Variants in SHLD1 observed in about 807,000 individuals in gnomAD.
SHLD1 encodes the protein RINN1-REV7-interacting novel NHEJ regulator 3.
In SHLD1, 3 loss-of-function variants were observed where a neutral mutation model predicts 5.5. The ratio of observed to expected loss-of-function variants is 0.54; its 90% confidence interval spans 0.25 to 1.40. SHLD1 has a LOEUF of 1.40. Among genes scored for constraint, SHLD1 ranks in the 40% most tolerant of loss-of-function variants. The probability of loss-of-function intolerance (pLI) is 0.15; values close to 1 mark genes in which losing one functional copy is unlikely to be tolerated. For synonymous variants in SHLD1, 92 were observed against 94.3 expected, an observed-to-expected ratio of 0.98 and a Z score of 0.14; for missense variants, 210 against 244.4, an observed-to-expected ratio of 0.86 and a Z score of 0.94.
At chr20:5,826,859 G>GT (rs1185311612) in intron 2 of SHLD1, among the ~76,000 whole-genome samples, 1 of 152,108 alleles carries the variant, frequency 6.6e-6, no homozygotes, top group Non-Finnish European at 1.5e-5. Flanking sequence ...TAGGTTTCAC[G>GT]TAAGTGCTGT....
chr20:5,851,754 G>A (rs1161454183), intron 2 of SHLD1, among the ~76,000 whole-genome samples: 1 of 151,818 alleles, frequency 6.6e-6, no homozygotes, highest in African/African-American at 2.4e-5. Context: ...TTGGATGTCT[G>A]TCCCGTCTAA....
chr20:5,843,362 T>TC (rs1411498999), intron 2 of SHLD1, among the ~76,000 whole-genome samples: 1 of 151,430 alleles, frequency 6.6e-6, no homozygotes, highest in East Asian at 1.9e-4. Context: ...CTTTTTTTTC[T>TC]CTCTCTCTCT....
chr20:5,760,549 C>T (rs632622), intron 1 of SHLD1, among the ~76,000 whole-genome samples: 43,132 of 151,654 alleles, frequency 0.28, 6,674 homozygotes, highest in East Asian at 0.62. Flanking sequence ...AAAAATTAGT[C>T]GGGCATGGTG....
At chr20:5,778,186 G>T (rs1298540421) in intron 2 of SHLD1, among the ~76,000 whole-genome samples, 2 of 144,496 alleles carry the variant, frequency 1.4e-5, no homozygotes, top group Non-Finnish European at 1.5e-5. Flanking sequence ...GCGCGATCTC[G>T]GCTCACTGCA....
At chr20:5,778,357 G>C (rs1985535890) in intron 2 of SHLD1, among the ~76,000 whole-genome samples, 1 of 148,220 alleles carries the variant, frequency 6.7e-6, no homozygotes, top group Admixed American at 6.8e-5. Context: ...TCGATCTCCT[G>C]ACCTTGTGAT....
chr20:5,837,106 A>T (rs1223991622), intron 2 of SHLD1, among the ~76,000 whole-genome samples: 1 of 152,176 alleles, frequency 6.6e-6, no homozygotes, highest in Non-Finnish European at 1.5e-5. Context: ...ATAGGACAGA[A>T]GATTCTCCGG....
intron 2 of SHLD1, among the ~76,000 whole-genome samples, chr20:5,817,432 C>CTCTCTCTCTCTGTGTGTGTG (rs1473391202): frequency 1.6e-4 from 14 of 85,660 alleles, no homozygotes; most frequent in African/African-American, 7.8e-4. Context: ...CTCTCTCTCT[C>CTCTCTCTCTCTGTGTGTGTG]TGTGTGTGTG....
At chr20:5,860,683 A>G (rs1374915810) in intron 2 of SHLD1, among the ~76,000 whole-genome samples, 1 of 151,902 alleles carries the variant, frequency 6.6e-6, no homozygotes, top group Non-Finnish European at 1.5e-5. Context: ...CAAACCTGGC[A>G]CTTCTGAAGA....
intron 2 of SHLD1, among the ~76,000 whole-genome samples, chr20:5,797,953 C>T (rs951114365): frequency 5.3e-5 from 8 of 152,198 alleles, no homozygotes; most frequent in African/African-American, 1.9e-4. Flanking sequence ...TCTCTTGCTG[C>T]CTAACTACCC....
At chr20:5,801,080 T>C (rs866324650) in intron 2 of SHLD1, among the ~76,000 whole-genome samples, 6,978 of 151,480 alleles carry the variant, frequency 0.046, 540 homozygotes, top group African/African-American at 0.16. Context: ...TCTTTTTTTT[T>C]TTTTTTTTCT....
At chr20:5,784,107 C>T (rs1196002893) in intron 2 of SHLD1, among the ~76,000 whole-genome samples, 9 of 150,686 alleles carry the variant, frequency 6.0e-5, no homozygotes, top group South Asian at 4.2e-4. Context: ...GCCGAGATGG[C>T]GCCACGGGCA....
chr20:5,812,012 G>C (rs2087464709), intron 2 of SHLD1, among the ~76,000 whole-genome samples: 1 of 151,818 alleles, frequency 6.6e-6, no homozygotes, highest in Non-Finnish European at 1.5e-5. Context: ...TGCTATGAAG[G>C]GTAAGTGGGA....
rs201859223 is a variant in SHLD1 at position 5,826,859 on chromosome 20, G to A, written c.179-36165G>A. On this transcript the variant is annotated intron_variant, in intron 2 of 2. Transcript: ENST00000303142. Reference sequence around the variant, plus strand: ...AGGGCCTGGCACGCATAGGTTTCACGTAAGTGCTGTGGTCTGTGGCTAGTC... The same window carrying A: ...AGGGCCTGGCACGCATAGGTTTCACATAAGTGCTGTGGTCTGTGGCTAGTC... Among the ~76,000 whole-genome samples the A allele has an allele frequency of 2.0e-4, 31 of 152,226 alleles. 1 individual carries two copies. In the East Asian group the frequency reaches 5.2e-3, roughly 26 times the overall value.
chr20:5,842,300 A>G (rs1171799789), intron 2 of SHLD1, among the ~76,000 whole-genome samples: 1 of 152,212 alleles, frequency 6.6e-6, no homozygotes, highest in East Asian at 1.9e-4. Context: ...AAGTGGTAAG[A>G]ATATTGTCTA....
intron 2 of SHLD1, among the ~76,000 whole-genome samples, chr20:5,790,755 A>G (rs1478321027): frequency 6.6e-6 from 1 of 152,076 alleles, no homozygotes; most frequent in East Asian, 1.9e-4. Context: ...CGCCTGGCCA[A>G]AATAAAAGAT....
chr20:5,796,687 G>A (rs1029773875), intron 2 of SHLD1, among the ~76,000 whole-genome samples: 1 of 152,018 alleles, frequency 6.6e-6, no homozygotes, highest in East Asian at 1.9e-4. Context: ...AAATTAGCCA[G>A]GCAGAGTGGC....
At chr20:5,754,986 G>T (rs1263806876) in intron 1 of SHLD1, among the ~76,000 whole-genome samples, 1 of 152,038 alleles carries the variant, frequency 6.6e-6, no homozygotes, top group East Asian at 1.9e-4. Flanking sequence ...AACCTGGGAG[G>T]TGGAGGTTGC....
intron 2 of SHLD1, among the ~76,000 whole-genome samples, chr20:5,794,247 A>G (rs1204688578): frequency 6.6e-6 from 1 of 152,138 alleles, no homozygotes; most frequent in African/African-American, 2.4e-5. Flanking sequence ...TGTCATGAGG[A>G]TTGAGTGAGA....
intron 2 of SHLD1, among the ~76,000 whole-genome samples, chr20:5,808,662 A>T (rs1204350378): frequency 2.0e-5 from 3 of 152,190 alleles, no homozygotes. Flanking sequence ...TTTACTCATA[A>T]ACAATCTTGC....
Sources: allele counts gnomAD v4.1 joint callset (sites outside exome capture counted in the v4.1 genomes callset), GRCh38; gene constraint gnomAD v4.1.1; transcripts MANE v1.5; gene names NCBI Gene and HGNC (gene_info 2026-07-23, HGNC 2026-07-21).